The following SDK1 variants were observed in gnomAD, a reference collection of about 807,000 sequenced individuals.
SDK1 encodes sidekick cell adhesion molecule 1.
Under a neutral mutation model 245.5 loss-of-function variants are expected in SDK1, and 157 were observed. The ratio of observed to expected loss-of-function variants is 0.64; its 90% CI spans 0.56 to 0.73. The LOEUF (loss-of-function observed/expected upper bound fraction) is 0.73, where lower values mean the gene tolerates loss of function less well. Among genes scored for constraint, SDK1 ranks in the 30% least tolerant of loss-of-function variants. The pLI, the probability that SDK1 is intolerant of heterozygous loss-of-function variation, is 0.00. For missense variants in SDK1, 3,583 were observed against 3,002.3 expected (o/e 1.19, Z -4.52); for synonymous variants, 1,647 against 1,278.5 (o/e 1.29, Z -6.15).
At chr7:3,614,247 C>T (rs908792852) in intron 1 of SDK1, among the ~76,000 whole-genome samples, 1 of 152,140 alleles carries the variant, frequency 6.6e-6, no homozygotes, top group Non-Finnish European at 1.5e-5. Flanking sequence ...GATTTATGTT[C>T]TATTTTAAGA....
At position 4,210,944 on chromosome 7, in the gene SDK1, G is replaced by A. The variant is rs116364423; in HGVS notation, c.5539+782G>A. On this transcript the variant is annotated intron_variant, in intron 38 of 44. Transcript: ENST00000404826. Reference sequence around the variant, plus strand: ...GGGCCCGGACACACAAGAATCCTGGGGAAGATCTTCCGAAGGGAGGATCCG... The same window carrying A: ...GGGCCCGGACACACAAGAATCCTGGAGAAGATCTTCCGAAGGGAGGATCCG... Among the ~76,000 whole-genome samples, 615 of 152,312 alleles carry A rather than the reference G, an allele frequency of 4.0e-3. 2 individuals carry two copies. The highest frequency in any genetic ancestry group is 0.015 in the African/African-American group (605 of 41,576).
chr7:3,851,767 G>A (rs1202717091), intron 5 of SDK1, among the ~76,000 whole-genome samples: 1 of 152,144 alleles, frequency 6.6e-6, no homozygotes, highest in African/African-American at 2.4e-5. Flanking sequence ...ACGGCCTTTG[G>A]AAAAGAATTG....
Position 3,767,442 on chromosome 7 carries a change from G to A in SDK1, c.714-54008G>A, listed in dbSNP as rs1426887099. Among the ~76,000 whole-genome samples, 5 of 151,368 alleles carry A rather than the reference G, an allele frequency of 3.3e-5. No individual in the cohort carries two copies. In the Admixed American group the frequency reaches 3.3e-4, roughly 10 times the overall value. On this transcript the variant is annotated intron_variant, in intron 4 of 44. Transcript: ENST00000404826. ...GAGACAGTTTACAGTGTGAGAACAT[G>A]GTAAGGCTTTTAAAAAAATTGTTTT...
At chr7:3,773,820 A>C (rs1411080622) in intron 4 of SDK1, among the ~76,000 whole-genome samples, 2 of 152,210 alleles carry the variant, frequency 1.3e-5, no homozygotes, top group Admixed American at 6.5e-5. Context: ...ATGCACAGGC[A>C]CTTCCTAATT....
In SDK1 at chr7:3,462,601, G is replaced by C. The variant is rs563900365; in HGVS notation, c.299-156479G>C. On this transcript the variant is annotated intron_variant, in intron 1 of 44. Coordinates refer to ENST00000404826, the MANE Select transcript of SDK1 (RefSeq NM_152744.4). ...TTCTAAGCCATCTCAAACTCAACTC[G>C]AACTAGACCAAACTTACCTATCTAC... 3.3e-5 allele frequency among the ~76,000 whole-genome samples: 5 copies of C among 152,076 alleles called. No homozygotes were observed. In the South Asian group the frequency reaches 1.0e-3, roughly 32 times the overall value.
intron 33 of SDK1, among the ~76,000 whole-genome samples, chr7:4,175,406 C>G (rs1467334556): frequency 6.6e-6 from 1 of 152,234 alleles, no homozygotes; most frequent in Admixed American, 6.5e-5. Context: ...GCTCCTCCAG[C>G]CGGGGCTCCC....
chr7:4,174,476 C>A, intron 33 of SDK1, 119 bp downstream of exon 33: 1 of 1,171,234 alleles, frequency 8.5e-7, no homozygotes, highest in Non-Finnish European at 1.2e-6. Flanking sequence ...AGAGGCAGCC[C>A]TGCCCTCAGG....
At chr7:3,567,464 A>C (rs551433570) in intron 1 of SDK1, among the ~76,000 whole-genome samples, 2 of 152,308 alleles carry the variant, frequency 1.3e-5, no homozygotes, top group East Asian at 3.9e-4. Context: ...GTGTGCTACT[A>C]TGTGTCTTGA....
At chr7:3,911,271 C>T (rs1334650057) in intron 5 of SDK1, among the ~76,000 whole-genome samples, 1 of 152,122 alleles carries the variant, frequency 6.6e-6, no homozygotes, top group Non-Finnish European at 1.5e-5. Context: ...AGATCCTGTA[C>T]CCCCACTTTA....
intron 1 of SDK1, among the ~76,000 whole-genome samples, chr7:3,317,803 C>T (rs1443850498): frequency 6.6e-6 from 1 of 152,116 alleles, no homozygotes; most frequent in Non-Finnish European, 1.5e-5. Flanking sequence ...TGTTCATAAG[C>T]CTCTTTATTT....
chr7:3,307,409 C>G (rs1002608382), intron 1 of SDK1, among the ~76,000 whole-genome samples: 1 of 152,160 alleles, frequency 6.6e-6, no homozygotes, highest in Non-Finnish European at 1.5e-5. Context: ...AGTTAGATAC[C>G]TACCTGCCAG....
At chr7:3,514,897 C>T (rs1782693029) in intron 1 of SDK1, among the ~76,000 whole-genome samples, 1 of 152,198 alleles carries the variant, frequency 6.6e-6, no homozygotes, top group Non-Finnish European at 1.5e-5. Flanking sequence ...CTCTCTCTTT[C>T]TCTCTTTCAC....
chr7:3,895,136 G>A (rs978714641), intron 5 of SDK1, among the ~76,000 whole-genome samples: 8 of 152,182 alleles, frequency 5.3e-5, no homozygotes, highest in African/African-American at 1.7e-4. Context: ...AGGCATGGAG[G>A]ATATCATTGC....
chr7:4,175,857 G>A (rs772003755), intron 34 of SDK1, 23 bp downstream of exon 34: 4 of 1,606,832 alleles, frequency 2.5e-6, no homozygotes, highest in South Asian at 2.2e-5. Flanking sequence ...TCAGCGGGAG[G>A]CCCATGCCGC....
At chr7:3,772,435 G>A (rs546168374) in intron 4 of SDK1, among the ~76,000 whole-genome samples, 66 of 152,022 alleles carry the variant, frequency 4.3e-4, no homozygotes, top group Non-Finnish European at 7.7e-4. Context: ...TCACATACAC[G>A]ATACTTCCAA....
intron 4 of SDK1, among the ~76,000 whole-genome samples, chr7:3,687,461 A>C (rs1413960327): frequency 6.6e-6 from 1 of 152,202 alleles, no homozygotes; most frequent in African/African-American, 2.4e-5. Flanking sequence ...CCCCAAACTG[A>C]AAACATCCCA....
At chr7:4,040,976 A>G (rs1340267672) in intron 17 of SDK1, among the ~76,000 whole-genome samples, 3 of 152,220 alleles carry the variant, frequency 2.0e-5, no homozygotes, top group African/African-American at 7.2e-5. Flanking sequence ...CTTTGTTAGA[A>G]AAGAAATGAT....
chr7:3,347,779 T>A (rs1170148019), intron 1 of SDK1, among the ~76,000 whole-genome samples: 1 of 152,234 alleles, frequency 6.6e-6, no homozygotes, highest in Non-Finnish European at 1.5e-5. Context: ...ATGCTACCCC[T>A]GTGGCCTGAA....
rs1259034611 is a variant in SDK1, at chr7:4,091,334, C to CTTTTCTTTTTTCT, written c.3324+11754_3324+11755insCTTTTTTCTTTTT. On this transcript the variant is annotated intron_variant, in intron 22 of 44. Transcript: ENST00000404826. Reference sequence around the variant, plus strand: ...CACATTTGCCATTTTCTTTTCTTTTCTTTTTTTTTTTTTTTTTTTTTTGTT... The same window carrying CTTTTCTTTTTTCT: ...CACATTTGCCATTTTCTTTTCTTTTCTTTTCTTTTTTCTTTTTTTTTTTTTTTTTTTTTTTGTT... 4.3e-3 allele frequency among the ~76,000 whole-genome samples: 460 copies of CTTTTCTTTTTTCT among 108,192 alleles called. 9 individuals carry two copies. The highest frequency in any genetic ancestry group is 6.3e-3 in the Middle Eastern group (1 of 158). 71.0% of individuals were successfully genotyped at this position (108,192 alleles called of 152,430 possible).
Sources: gnomAD v4.1 joint callset for allele counts (sites outside exome capture counted in the v4.1 genomes callset) on GRCh38, gnomAD v4.1.1 for gene constraint, MANE v1.5 for transcripts, NCBI Gene and HGNC (gene_info 2026-07-23, HGNC 2026-07-21) for gene names.